Variants in DENND1B observed in about 807,000 individuals in gnomAD.
The protein encoded by DENND1B is DENN domain-containing protein 1B.
In DENND1B, 59 loss-of-function variants were observed where a neutral mutation model predicts 90.1. The observed-to-expected ratio is 0.65, with a 90% CI of 0.53 to 0.81. DENND1B has a LOEUF of 0.81. Among genes scored for constraint, DENND1B ranks in the 40% least tolerant of loss-of-function variants. The probability of loss-of-function intolerance (pLI) is 0.00; values close to 1 mark genes in which losing one functional copy is unlikely to be tolerated. For synonymous variants in DENND1B, 337 were observed against 324.6 expected, an observed-to-expected ratio of 1.04 and a Z score of -0.41; for missense variants, 862 against 912.6, an observed-to-expected ratio of 0.94 and a Z score of 0.71.
intron 5 of DENND1B, among the ~76,000 whole-genome samples, chr1:197,664,026 C>G (rs930422885): frequency 5.0e-4 from 76 of 151,808 alleles, no homozygotes; most frequent in African/African-American, 1.6e-3. Context: ...CACACACACA[C>G]ACAGAGAGAG....
At chr1:197,574,061 A>G (rs1673424222) in intron 15 of DENND1B, among the ~76,000 whole-genome samples, 1 of 152,030 alleles carries the variant, frequency 6.6e-6, no homozygotes, top group Admixed American at 6.6e-5. Flanking sequence ...CCTCTCTCCT[A>G]TTCAACATAG....
At chr1:197,677,312 T>A (rs761850892) in intron 3 of DENND1B, among the ~76,000 whole-genome samples, 7 of 152,204 alleles carry the variant, frequency 4.6e-5, no homozygotes, top group Non-Finnish European at 1.0e-4. Flanking sequence ...GTAGTTTAGA[T>A]ATTTCTCCAG....
intron 1 of DENND1B, among the ~76,000 whole-genome samples, chr1:197,774,046 A>AT (rs947973243): frequency 2.0e-5 from 3 of 152,308 alleles, no homozygotes; most frequent in South Asian, 2.1e-4. Flanking sequence ...GCAAATATAC[A>AT]TTTTTTTAGC....
Position 197,617,755 on chromosome 1 carries a change from G to A in DENND1B, c.677C>T (p.Thr226Ile), listed in dbSNP as rs1269554013. ...AGCAGCTGATCCATGGATACAGGCA[G>A]TTAACTGAAATTTGTAAAAGGATAA... ...VIISSKLSTL[T>I]ACIHGSAALL... The change falls in exon 11 of 23, where the codon ACT becomes ATT. Residue 226 changes from threonine (T) to isoleucine (I), a missense_variant. Physicochemically the swap from Thr to Ile is moderately conservative, Grantham distance 89. Coordinates refer to ENST00000620048, the MANE Select transcript of DENND1B (RefSeq NM_001195215.2). 3 of 1,605,836 alleles carry A rather than the reference G, an allele frequency of 1.9e-6. No homozygotes were observed. The highest frequency in any genetic ancestry group is 2.6e-6 in the Non-Finnish European group (3 of 1,174,282).
chr1:197,742,722 C>T (rs755844359), intron 2 of DENND1B, among the ~76,000 whole-genome samples: 8 of 151,958 alleles, frequency 5.3e-5, no homozygotes, highest in Non-Finnish European at 1.2e-4. Context: ...TTCTGAGCAG[C>T]GGAAAAAGAG....
At chr1:197,622,388 T>C (rs1295449739) in intron 10 of DENND1B, among the ~76,000 whole-genome samples, 1 of 151,330 alleles carries the variant, frequency 6.6e-6, no homozygotes, top group Non-Finnish European at 1.5e-5. Context: ...AGGATACAAC[T>C]GGAGGCAGGC....
chr1:197,566,676 T>C (rs1168989834), intron 15 of DENND1B, among the ~76,000 whole-genome samples: 1 of 151,996 alleles, frequency 6.6e-6, no homozygotes, highest in Non-Finnish European at 1.5e-5. Flanking sequence ...GCTATTAGGA[T>C]ACAAAAACAC....
Position 197,775,214 on chromosome 1 carries a change from C to T in DENND1B, c.-59G>A. On this transcript the variant is annotated 5_prime_UTR_variant, in exon 1 of 23. Transcript: ENST00000620048. The stretch of plus-strand genomic sequence containing the variant: ...CCCCGCGCGCTGGCCTGGAAGCCCG[C>T]AGCCCGGCCGCGCGAGGGTCGCGCC... The T allele has an allele frequency of 4.9e-6, 6 of 1,234,116 alleles. No homozygotes were observed. The highest frequency in any genetic ancestry group is 1.6e-5 in the African/African-American group (1 of 63,432). The allele number at this position is 1,234,116 out of a possible 1,614,324, so 76.4% of individuals were successfully genotyped here.
intron 13 of DENND1B, among the ~76,000 whole-genome samples, chr1:197,595,739 A>G (rs1389563468): frequency 6.6e-6 from 1 of 152,106 alleles, no homozygotes; most frequent in African/African-American, 2.4e-5. Context: ...CTCCAGGATC[A>G]CTTACCATTT....
chr1:197,603,635 T>C (rs1676405445), intron 13 of DENND1B, among the ~76,000 whole-genome samples: 1 of 151,274 alleles, frequency 6.6e-6, no homozygotes, highest in African/African-American at 2.4e-5. Flanking sequence ...AATTGTTTAA[T>C]ATTCATATGA....
chr1:197,578,803 C>G (rs1054548880), intron 15 of DENND1B, among the ~76,000 whole-genome samples: 11 of 151,974 alleles, frequency 7.2e-5, no homozygotes, highest in African/African-American at 2.7e-4. Context: ...CAAACCTGCA[C>G]GTTGTGCACA....
At chr1:197,666,042 A>C (rs1357050931) in intron 5 of DENND1B, among the ~76,000 whole-genome samples, 1 of 152,190 alleles carries the variant, frequency 6.6e-6, no homozygotes, top group East Asian at 1.9e-4. Flanking sequence ...TTTAAGGAGA[A>C]GGTATTAACA....
At chr1:197,627,463 T>G (rs928649051) in intron 10 of DENND1B, among the ~76,000 whole-genome samples, 4 of 152,114 alleles carry the variant, frequency 2.6e-5, no homozygotes, top group Non-Finnish European at 5.9e-5. Context: ...AAAAGGCCTT[T>G]GACAAAATTC....
At chr1:197,616,277 G>A (rs1034418983) in intron 11 of DENND1B, among the ~76,000 whole-genome samples, 1 of 150,892 alleles carries the variant, frequency 6.6e-6, no homozygotes, top group African/African-American at 2.4e-5. Flanking sequence ...AAGATCTACT[G>A]CATATGTCAA....
At chr1:197,686,734 T>TG (rs1553326076) in intron 3 of DENND1B, among the ~76,000 whole-genome samples, 3 of 151,774 alleles carry the variant, frequency 2.0e-5, no homozygotes, top group Non-Finnish European at 4.4e-5. Flanking sequence ...TTTTTTTTTT[T>TG]GTAACTCTCT....
intron 2 of DENND1B, among the ~76,000 whole-genome samples, chr1:197,746,308 T>C (rs578210665): frequency 6.6e-6 from 1 of 152,262 alleles, no homozygotes; most frequent in Admixed American, 6.5e-5. Flanking sequence ...GGCATGAGAA[T>C]CACTTGAACC....
intron 6 of DENND1B, among the ~76,000 whole-genome samples, chr1:197,653,429 T>C (rs988916096): frequency 3.3e-5 from 5 of 152,128 alleles, no homozygotes; most frequent in African/African-American, 1.2e-4. Context: ...TACAAAGTTC[T>C]TATAGGTATA....
chr1:197,658,400 C>A (rs1654063936), intron 5 of DENND1B, 31 bp from the exon 6 acceptor site: 2 of 1,380,056 alleles, frequency 1.4e-6, no homozygotes, highest in African/African-American at 1.4e-5. Context: ...AATGTATATA[C>A]ATAAAATTCA....
At position 197,617,246 on chromosome 1, in the gene DENND1B, G is replaced by A. The variant is rs550671545; in HGVS notation, c.773+413C>T. ...AAAGAGGGGTAAAGAAGTGTATTCT[G>A]AAGTAAAGGTAACAAGAGTATGCCC... On this transcript the variant is annotated intron_variant, in intron 11 of 22. Transcript: ENST00000620048. Among the ~76,000 whole-genome samples the A allele has an allele frequency of 3.3e-5, 5 of 151,188 alleles. No individual in the cohort carries two copies. In the East Asian group the frequency reaches 9.8e-4, roughly 30 times the overall value.
Sources: allele counts gnomAD v4.1 joint callset (sites outside exome capture counted in the v4.1 genomes callset), GRCh38; gene constraint gnomAD v4.1.1; transcripts MANE v1.5; gene names NCBI Gene and HGNC (gene_info 2026-07-23, HGNC 2026-07-21).